Variants in HMGCLL1 observed in about 807,000 individuals in gnomAD.
HMGCLL1 encodes 3-hydroxymethyl-3-methylglutaryl-CoA lyase, cytoplasmic.
HMGCLL1 carries 36 observed loss-of-function variants against 39.1 expected under a neutral mutation model. The ratio of observed to expected loss-of-function variants is 0.92; its 90% CI spans 0.71 to 1.22. The LOEUF (loss-of-function observed/expected upper bound fraction) is 1.22, where lower values mean the gene tolerates loss of function less well. Among genes scored for constraint, HMGCLL1 ranks in the 50% most tolerant of loss-of-function variants. HMGCLL1 has a pLI of 0.00. For synonymous variants in HMGCLL1, 149 were observed against 144.0 expected (o/e 1.03, Z -0.25); for missense variants, 451 against 416.5 (o/e 1.08, Z -0.72).
the HMGCLL1 span, among the ~76,000 whole-genome samples, chr6:55,647,542 A>T: frequency 6.9e-6 from 1 of 145,020 alleles, no homozygotes; most frequent in African/African-American, 2.6e-5. Context: ...TGCTTTTTAG[A>T]TTTTCTTATC....
the HMGCLL1 span, among the ~76,000 whole-genome samples, chr6:55,641,587 A>C: frequency 6.6e-6 from 1 of 152,018 alleles, no homozygotes; most frequent in Non-Finnish European, 1.5e-5. Flanking sequence ...CAGAATTGGA[A>C]GAAGGGAGTA....
At chr6:55,621,380 G>A in the HMGCLL1 span, among the ~76,000 whole-genome samples, 3 of 151,996 alleles carry the variant, frequency 2.0e-5, no homozygotes, top group Admixed American at 2.0e-4. Flanking sequence ...GCAACACAAC[G>A]GGTGGTGAGT....
the HMGCLL1 span, among the ~76,000 whole-genome samples, chr6:55,662,315 T>C: frequency 6.6e-6 from 1 of 151,772 alleles, no homozygotes; most frequent in Non-Finnish European, 1.5e-5. Context: ...TTGATATTGG[T>C]TGTGGTTTTT....
intron 8 of HMGCLL1, among the ~76,000 whole-genome samples, chr6:55,439,012 C>T (rs1463017743): frequency 6.6e-6 from 1 of 151,942 alleles, no homozygotes; most frequent in Non-Finnish European, 1.5e-5. Context: ...TAAAAAGTGC[C>T]CTGGGAGTTC....
the HMGCLL1 span, among the ~76,000 whole-genome samples, chr6:55,644,593 C>G: frequency 7.2e-5 from 11 of 151,846 alleles, no homozygotes; most frequent in Admixed American, 4.6e-4. Flanking sequence ...GAGATACAAA[C>G]CAAGTTTTAT....
chr6:55,516,376 T>C (rs965718465), intron 4 of HMGCLL1, 132 bp downstream of exon 4: 1 of 489,704 alleles, frequency 2.0e-6, no homozygotes, highest in Non-Finnish European at 3.6e-6. Flanking sequence ...TGGAGCTCTA[T>C]GTCTTCATGT....
chr6:55,650,694 T>C, the HMGCLL1 span, among the ~76,000 whole-genome samples: 27 of 152,078 alleles, frequency 1.8e-4, no homozygotes, highest in African/African-American at 2.7e-4. Context: ...GAGAAAACAA[T>C]CTTGGCAATT....
the HMGCLL1 span, among the ~76,000 whole-genome samples, chr6:55,671,506 G>A: frequency 6.6e-6 from 1 of 151,836 alleles, no homozygotes; most frequent in African/African-American, 2.4e-5. Flanking sequence ...AGGACAATAT[G>A]AAATTTTAGT....
At chr6:55,516,349 A>G (rs1293753117) in intron 4 of HMGCLL1, among the ~76,000 whole-genome samples, 159 bp downstream of exon 4, 1 of 152,164 alleles carries the variant, frequency 6.6e-6, no homozygotes, top group Non-Finnish European at 1.5e-5. Context: ...TTAGTCCCCA[A>G]CAATGCTGTG....
At chr6:55,524,095 T>G (rs531186665) in intron 3 of HMGCLL1, among the ~76,000 whole-genome samples, 8 of 152,044 alleles carry the variant, frequency 5.3e-5, no homozygotes, top group Non-Finnish European at 8.8e-5. Context: ...AGATTACATC[T>G]TAACACATTA....
At chr6:55,478,029 C>G (rs1241463649) in intron 7 of HMGCLL1, among the ~76,000 whole-genome samples, 1 of 148,976 alleles carries the variant, frequency 6.7e-6, no homozygotes, top group African/African-American at 2.5e-5. Context: ...TATAAAGCAT[C>G]TGGGCTTGAT....
chr6:55,439,330 T>C (rs1471321639), intron 8 of HMGCLL1, 104 bp downstream of exon 8: 1 of 1,123,178 alleles, frequency 8.9e-7, no homozygotes, highest in African/African-American at 1.6e-5. Flanking sequence ...ATAGCAAAAG[T>C]GTAGTAAAAC....
At chr6:55,565,680 CAAGCT>C (rs1771177967) in intron 1 of HMGCLL1, among the ~76,000 whole-genome samples, 1 of 152,006 alleles carries the variant, frequency 6.6e-6, no homozygotes, top group Admixed American at 6.6e-5. Flanking sequence ...AGTATTTATG[CAAGCT>C]TTATGTTCCA....
rs75488682 is a variant in HMGCLL1, at chr6:55,517,059, A to C, written c.298-456T>G. 5.6e-3 allele frequency among the ~76,000 whole-genome samples: 845 copies of C among 152,198 alleles called. 10 individuals carry two copies. Among genetic ancestry groups the C allele is most frequent in the African/African-American group, 0.019 (784 of 41,562 alleles). ...ATGTAAATTACACATATTCTTTAGA[A>C]CAGTTTAACAAGGCTGAGATCCCAG... On this transcript the variant is annotated intron_variant, in intron 3 of 8. Coordinates refer to ENST00000274901, the MANE Select transcript of HMGCLL1 (RefSeq NM_001042406.2).
chr6:55,509,156 C>T (rs1031579656), intron 5 of HMGCLL1, among the ~76,000 whole-genome samples: 4 of 151,842 alleles, frequency 2.6e-5, no homozygotes, highest in African/African-American at 9.7e-5. Flanking sequence ...AGTTTTATGT[C>T]CCATATTTTG....
intron 3 of HMGCLL1, among the ~76,000 whole-genome samples, chr6:55,537,159 G>T (rs1441688732): frequency 6.6e-6 from 1 of 152,022 alleles, no homozygotes; most frequent in Non-Finnish European, 1.5e-5. Flanking sequence ...AAAATGGTCT[G>T]CTCAGACAAG....
chr6:55,498,414 C>T (rs1218524468), intron 6 of HMGCLL1, among the ~76,000 whole-genome samples: 1 of 152,022 alleles, frequency 6.6e-6, no homozygotes, highest in East Asian at 1.9e-4. Context: ...GAAAAATCTG[C>T]AGTAGATTCC....
At chr6:55,535,019 T>C (rs573005178) in intron 3 of HMGCLL1, among the ~76,000 whole-genome samples, 2 of 152,360 alleles carry the variant, frequency 1.3e-5, no homozygotes, top group Admixed American at 6.5e-5. Context: ...AAATAGTGTA[T>C]GCTTGTTCTC....
At chr6:55,670,815 T>A in the HMGCLL1 span, among the ~76,000 whole-genome samples, 1 of 151,808 alleles carries the variant, frequency 6.6e-6, no homozygotes, top group Non-Finnish European at 1.5e-5. Flanking sequence ...AATAATTGCA[T>A]TGTATATAAT....
Sources: allele counts gnomAD v4.1 joint callset (sites outside exome capture counted in the v4.1 genomes callset), GRCh38; gene constraint gnomAD v4.1.1; transcripts MANE v1.5; gene names NCBI Gene and HGNC (gene_info 2026-07-23, HGNC 2026-07-21).